Variants in IL19 observed in about 807,000 individuals in gnomAD.
The protein encoded by IL19 is interleukin 19, also known as interleukin-19.
Under a neutral mutation model 19.5 loss-of-function variants are expected in IL19, and 15 were observed. The observed-to-expected ratio is 0.77, with a 90% CI of 0.52 to 1.19. The LOEUF (loss-of-function observed/expected upper bound fraction) is 1.19, where lower values mean the gene tolerates loss of function less well. Ranked by LOEUF, IL19 falls within the 50% of genes most tolerant of loss-of-function variation. IL19 has a pLI of 0.00. For missense variants in IL19, 199 were observed against 213.1 expected (o/e 0.93, Z 0.41); for synonymous variants, 78 against 78.3 (o/e 1.00, Z 0.02).
intron 1 of IL19, among the ~76,000 whole-genome samples, chr1:206,778,314 T>C (rs1675056688): frequency 6.6e-6 from 1 of 152,128 alleles, no homozygotes; most frequent in African/African-American, 2.4e-5. Flanking sequence ...TATGAGAAAT[T>C]TGGCTTATCA....
chr1:206,789,013 G>A (rs1411924379), intron 1 of IL19, among the ~76,000 whole-genome samples: 1 of 152,238 alleles, frequency 6.6e-6, no homozygotes, highest in Non-Finnish European at 1.5e-5. Context: ...AAGATGGACA[G>A]TGTCTGTTGT....
chr1:206,809,215 A>C (rs971129362), intron 2 of IL19, among the ~76,000 whole-genome samples: 9 of 152,218 alleles, frequency 5.9e-5, no homozygotes, highest in African/African-American at 1.7e-4. Context: ...GCTATTTGCT[A>C]TCTGTGTAAA....
intron 1 of IL19, among the ~76,000 whole-genome samples, chr1:206,782,714 T>G (rs1259453264): frequency 1.3e-5 from 2 of 152,188 alleles, no homozygotes; most frequent in Non-Finnish European, 2.9e-5. Context: ...TGACCTGTCA[T>G]TACTGTAAAC....
intron 1 of IL19, chr1:206,771,480 T>TG: frequency 1.5e-6 from 2 of 1,309,540 alleles, no homozygotes; most frequent in African/African-American, 1.5e-5. Flanking sequence ...GCGGTCTTTT[T>TG]GATGCCCTTT....
At chr1:206,781,430 A>G (rs1392714689) in intron 1 of IL19, among the ~76,000 whole-genome samples, 5 of 148,484 alleles carry the variant, frequency 3.4e-5, no homozygotes, top group Admixed American at 2.0e-4. Context: ...AAAAAAAAAA[A>G]AAAAAAAAGA....
At chr1:206,776,607 T>C (rs1675002077) in intron 1 of IL19, among the ~76,000 whole-genome samples, 1 of 152,052 alleles carries the variant, frequency 6.6e-6, no homozygotes, top group East Asian at 1.9e-4. Flanking sequence ...CTAGCTGGAT[T>C]TCCTAGACCA....
At chr1:206,794,463 T>C (rs1316361573) in intron 1 of IL19, among the ~76,000 whole-genome samples, 3 of 152,150 alleles carry the variant, frequency 2.0e-5, no homozygotes, top group Non-Finnish European at 4.4e-5. Context: ...TTGTGAAGCC[T>C]CTTCCCACTG....
At chr1:206,829,003 A>C (rs1392685135) in intron 2 of IL19, 1 of 135,612 alleles carries the variant, frequency 7.4e-6, no homozygotes, top group Non-Finnish European at 1.5e-5. Context: ...ATGTGCCAAC[A>C]CATGCAGCTT....
chr1:206,838,331 G>T lies in IL19; in HGVS notation c.210+1308G>T, dbSNP rs570187495. ...CAGATCCAGTTTTGGGAGGGATTTTGTATGACAGAGTGTAAGGTATATTTG... is the reference window on the plus strand; with the variant it reads ...CAGATCCAGTTTTGGGAGGGATTTTTTATGACAGAGTGTAAGGTATATTTG... On this transcript the variant is annotated intron_variant, in intron 4 of 6. Coordinates refer to ENST00000659997, the MANE Select transcript of IL19 (RefSeq NM_153758.5). Among the ~76,000 whole-genome samples the T allele has an allele frequency of 9.8e-5, 15 of 152,302 alleles. 1 individual carries two copies. The Middle Eastern group carries it at 0.01, about 104-fold the overall frequency.
intron 2 of IL19, among the ~76,000 whole-genome samples, chr1:206,826,789 C>A (rs571396068): frequency 6.6e-6 from 1 of 152,244 alleles, no homozygotes; most frequent in Non-Finnish European, 1.5e-5. Context: ...AAGCCATCCT[C>A]TATGCCATTT....
intron 1 of IL19, among the ~76,000 whole-genome samples, chr1:206,774,709 C>T (rs1674947954): frequency 6.6e-6 from 1 of 152,184 alleles, no homozygotes; most frequent in Non-Finnish European, 1.5e-5. Context: ...TGAAACAGGA[C>T]ATTGTTTTAT....
intron 2 of IL19, among the ~76,000 whole-genome samples, chr1:206,823,529 T>C (rs1428317901): frequency 4.6e-5 from 7 of 151,162 alleles, no homozygotes; most frequent in African/African-American, 1.7e-4. Flanking sequence ...CACTCTAACC[T>C]GGTGACAGCG....
chr1:206,821,878 G>A (rs1442164490), intron 2 of IL19, among the ~76,000 whole-genome samples: 1 of 152,204 alleles, frequency 6.6e-6, no homozygotes, highest in Non-Finnish European at 1.5e-5. Context: ...CACACTTTGG[G>A]AAAGGGTTTG....
intron 1 of IL19, among the ~76,000 whole-genome samples, chr1:206,782,006 CAT>C (rs1354682311): frequency 2.7e-5 from 2 of 74,224 alleles, no homozygotes; most frequent in Non-Finnish European, 5.5e-5. Flanking sequence ...GTTATATATA[CAT>C]ATATATGTAT....
At chr1:206,818,534 G>A (rs561531907) in intron 2 of IL19, among the ~76,000 whole-genome samples, 13 of 152,300 alleles carry the variant, frequency 8.5e-5, no homozygotes, top group South Asian at 2.1e-4. Flanking sequence ...GCCTGAGCAG[G>A]GTTGGAGTGG....
Position 206,840,993 on chromosome 1 carries a change from C to T in IL19, c.364-11C>T, listed in dbSNP as rs1329902258. The T allele has an allele frequency of 1.9e-6, 3 of 1,612,630 alleles. No individual in the cohort carries two copies. Among genetic ancestry groups the T allele is most frequent in the Admixed American group, 1.7e-5 (1 of 60,006 alleles). The stretch of plus-strand genomic sequence containing the variant: ...TGTCCTCTGATAGGAGCTTCCTCCA[C>T]TTTATCACAGCAGGAACAGAGGCAG... On this transcript the variant is annotated splice_polypyrimidine_tract_variant and intron_variant, in intron 5 of 6. Coordinates refer to ENST00000659997, the MANE Select transcript of IL19 (RefSeq NM_153758.5).
chr1:206,798,728 G>A (rs554086178), intron 1 of IL19, 133 bp from the exon 2 acceptor site: 18 of 567,754 alleles, frequency 3.2e-5, no homozygotes, highest in Non-Finnish European at 5.3e-5. Flanking sequence ...GGTGTGATTC[G>A]GTTCAGAGTA....
intron 1 of IL19, among the ~76,000 whole-genome samples, chr1:206,792,472 T>C (rs1218200697): frequency 6.6e-6 from 1 of 152,126 alleles, no homozygotes; most frequent in Non-Finnish European, 1.5e-5. Flanking sequence ...CCTTTTTTTT[T>C]CTGAGATGGA....
rs184333035 is a variant in IL19 at position 206,818,671 on chromosome 1, T to C, written c.-2-17990T>C. 7.5e-3 allele frequency among the ~76,000 whole-genome samples: 1,146 copies of C among 152,304 alleles called. 4 individuals are homozygous for C. The highest frequency in any genetic ancestry group is 9.8e-3 in the Non-Finnish European group (665 of 68,020). ...GGATGTCTGGATATGCCAAAGCTTA[T>C]CAAATTGTACACTTTCGTTACAATA... On this transcript the variant is annotated intron_variant, in intron 2 of 6. Transcript: ENST00000659997.
Sources: gnomAD v4.1 joint callset for allele counts (sites outside exome capture counted in the v4.1 genomes callset) on GRCh38, gnomAD v4.1.1 for gene constraint, MANE v1.5 for transcripts, NCBI Gene and HGNC (gene_info 2026-07-23, HGNC 2026-07-21) for gene names.